The following LRRIQ3 variants were observed in gnomAD, a reference collection of about 807,000 sequenced individuals.
LRRIQ3 encodes leucine rich repeats and IQ motif containing 3.
A neutral mutation model predicts 59.3 loss-of-function variants in LRRIQ3; 75 were observed. That is an observed-to-expected ratio of 1.26 (90% CI 1.05 to 1.53). The LOEUF is 1.53. Ranked by LOEUF, LRRIQ3 falls within the 40% of genes most tolerant of loss-of-function variation. The pLI, the probability that LRRIQ3 is intolerant of heterozygous loss-of-function variation, is 0.00. For missense variants in LRRIQ3, 831 were observed against 710.0 expected (o/e 1.17, Z -1.94); for synonymous variants, 250 against 231.3 (o/e 1.08, Z -0.73).
intron 4 of LRRIQ3, among the ~76,000 whole-genome samples, chr1:74,145,918 A>G (rs1647539763): frequency 6.6e-6 from 1 of 152,154 alleles, no homozygotes; most frequent in Admixed American, 6.6e-5. Flanking sequence ...TATGCCATAT[A>G]ATGATGTTCC....
chr1:74,183,930 A>G (rs2100727985), intron 1 of LRRIQ3, among the ~76,000 whole-genome samples: 1 of 152,156 alleles, frequency 6.6e-6, no homozygotes, highest in South Asian at 2.1e-4. Context: ...GAGGAAGACA[A>G]ACTTCCATTT....
intron 3 of LRRIQ3, among the ~76,000 whole-genome samples, chr1:74,156,810 T>G (rs1648356906): frequency 6.6e-6 from 1 of 152,178 alleles, no homozygotes; most frequent in Admixed American, 6.5e-5. Context: ...ATTTTTAGAT[T>G]TGAGATCGTA....
At chr1:74,178,530 G>T (rs1238850901) in intron 3 of LRRIQ3, among the ~76,000 whole-genome samples, 3 of 152,004 alleles carry the variant, frequency 2.0e-5, no homozygotes, top group African/African-American at 4.8e-5. Flanking sequence ...TACATTAAAA[G>T]AACAAATGGA....
At chr1:74,084,518 G>A (rs568494135) in intron 5 of LRRIQ3, among the ~76,000 whole-genome samples, 62 of 151,660 alleles carry the variant, frequency 4.1e-4, no homozygotes, top group African/African-American at 1.5e-3. Context: ...CTTGTGAAAC[G>A]AGTGTATGCA....
intron 7 of LRRIQ3, 118 bp from the exon 8 acceptor site, chr1:74,027,087 G>T: frequency 1.7e-6 from 1 of 579,646 alleles, no homozygotes. Flanking sequence ...ATACAAGTGA[G>T]AAAGACACAA....
chr1:74,149,714 C>G (rs1015413395), intron 4 of LRRIQ3, among the ~76,000 whole-genome samples: 3 of 152,044 alleles, frequency 2.0e-5, no homozygotes, highest in Admixed American at 2.0e-4. Context: ...GGTATAACTT[C>G]TGCTATTTTT....
At chr1:74,080,610 G>A (rs1423965849) in intron 5 of LRRIQ3, among the ~76,000 whole-genome samples, 1 of 151,558 alleles carries the variant, frequency 6.6e-6, no homozygotes, top group East Asian at 1.9e-4. Context: ...AGCCTAGTTA[G>A]AGCTCTAAAA....
intron 4 of LRRIQ3, among the ~76,000 whole-genome samples, chr1:74,140,715 G>A (rs1647222462): frequency 6.6e-6 from 1 of 151,704 alleles, no homozygotes; most frequent in Non-Finnish European, 1.5e-5. Flanking sequence ...CCTACTGCAA[G>A]GAAATTAAGC....
intron 6 of LRRIQ3, among the ~76,000 whole-genome samples, chr1:74,045,360 C>A (rs1054198916): frequency 2.0e-5 from 3 of 152,120 alleles, no homozygotes; most frequent in Non-Finnish European, 4.4e-5. Flanking sequence ...GTGATAAAAG[C>A]CACATGATTA....
chr1:74,182,854 C>T lies in LRRIQ3; in HGVS notation c.257G>A (p.Ser86Asn). ...KLDLHGNQIK[S>N]LPNTKFWNGL... ...ATTCCAAAATTTGGTATTTGGTAGACTCTTTATCTGAAATATTATTAAAAA... is the reference window on the plus strand; with the variant it reads ...ATTCCAAAATTTGGTATTTGGTAGATTCTTTATCTGAAATATTATTAAAAA... The change falls in exon 3 of 8, where the codon AGT becomes AAT. Residue 86 changes from serine (S) to asparagine (N), a missense_variant. Physicochemically the swap from Ser to Asn is conservative, Grantham distance 46 (BLOSUM62 1). Coordinates refer to ENST00000354431, the MANE Select transcript of LRRIQ3 (RefSeq NM_001105659.2). The T allele has an allele frequency of 6.9e-7, 1 of 1,447,236 alleles. No homozygotes were observed. The highest frequency in any genetic ancestry group is 9.2e-7 in the Non-Finnish European group (1 of 1,087,834). The allele number at this position is 1,447,236 out of a possible 1,614,324, so 89.6% of individuals were successfully genotyped here.
At chr1:74,134,342 C>T (rs933546442) in intron 4 of LRRIQ3, among the ~76,000 whole-genome samples, 2 of 151,952 alleles carry the variant, frequency 1.3e-5, no homozygotes, top group East Asian at 3.9e-4. Context: ...CTACCAATAG[C>T]CCCCCATAAC....
At chr1:74,046,760 A>C (rs1048258708) in intron 6 of LRRIQ3, among the ~76,000 whole-genome samples, 12 of 152,224 alleles carry the variant, frequency 7.9e-5, no homozygotes, top group African/African-American at 2.6e-4. Context: ...AAGAAAAAAA[A>C]CAAACAAACC....
intron 5 of LRRIQ3, among the ~76,000 whole-genome samples, chr1:74,096,710 A>G (rs551395551): frequency 7.2e-5 from 11 of 152,138 alleles, no homozygotes; most frequent in African/African-American, 2.6e-4. Flanking sequence ...TGATGGTGAC[A>G]TACAGATGGG....
intron 6 of LRRIQ3, among the ~76,000 whole-genome samples, chr1:74,067,733 A>G (rs1433104952): frequency 6.6e-6 from 1 of 152,074 alleles, no homozygotes; most frequent in African/African-American, 2.4e-5. Flanking sequence ...CTGGAATAAT[A>G]TACGGGAAGC....
At chr1:74,066,299 C>T (rs1252416510) in intron 6 of LRRIQ3, among the ~76,000 whole-genome samples, 1 of 151,856 alleles carries the variant, frequency 6.6e-6, no homozygotes, top group East Asian at 1.9e-4. Flanking sequence ...TCAAGATAGC[C>T]TGTATATTAC....
rs535270465 is a variant in LRRIQ3, at chr1:74,038,825, C to A, written c.1718+2388G>T. On this transcript the variant is annotated intron_variant, in intron 7 of 7. Transcript: ENST00000354431. Reference sequence around the variant, plus strand: ...AACTAAAGCCCTATCCAAGGGTGAGCAGCCTCAAACATCAAAACTAGACAT... The same window carrying A: ...AACTAAAGCCCTATCCAAGGGTGAGAAGCCTCAAACATCAAAACTAGACAT... Among the ~76,000 whole-genome samples, 29 of 152,268 alleles carry A rather than the reference C, an allele frequency of 1.9e-4. 1 individual carries two copies. Among genetic ancestry groups the A allele is most frequent in the African/African-American group, 5.5e-4 (23 of 41,554 alleles).
intron 4 of LRRIQ3, among the ~76,000 whole-genome samples, chr1:74,138,029 C>A (rs945401514): frequency 1.3e-5 from 2 of 151,392 alleles, no homozygotes; most frequent in Admixed American, 6.6e-5. Context: ...CACCATGGCA[C>A]GTGTATACCT....
At chr1:74,033,883 A>T (rs542802706) in intron 7 of LRRIQ3, among the ~76,000 whole-genome samples, 18 of 151,964 alleles carry the variant, frequency 1.2e-4, no homozygotes, top group African/African-American at 4.1e-4. Context: ...CAAAATGGAC[A>T]CCCTGCTCTC....
At chr1:74,174,261 C>T (rs1442223523) in intron 3 of LRRIQ3, among the ~76,000 whole-genome samples, 18 of 151,690 alleles carry the variant, frequency 1.2e-4, no homozygotes, top group Non-Finnish European at 5.9e-5. Flanking sequence ...AATGACCTGT[C>T]TTTAATTTCA....
Sources: gnomAD v4.1 joint callset for allele counts (sites outside exome capture counted in the v4.1 genomes callset) on GRCh38, gnomAD v4.1.1 for gene constraint, MANE v1.5 for transcripts, NCBI Gene and HGNC (gene_info 2026-07-23, HGNC 2026-07-21) for gene names.